The following NKAIN2 variants were observed in gnomAD, a reference collection of about 807,000 sequenced individuals.
NKAIN2 encodes sodium/potassium transporting ATPase interacting 2.
A neutral mutation model predicts 32.6 loss-of-function variants in NKAIN2; 14 were observed. The observed-to-expected ratio is 0.43, with a 90% CI of 0.28 to 0.67. The LOEUF is 0.67. Ranked by LOEUF, NKAIN2 falls within the 30% of genes least tolerant of loss-of-function variation. The pLI is 0.17. For synonymous variants in NKAIN2, 80 were observed against 87.2 expected (o/e 0.92, Z 0.46); for missense variants, 198 against 258.3 (o/e 0.77, Z 1.60).
chr6:124,300,029 C>A lies in NKAIN2; in HGVS notation c.192+16887C>A, dbSNP rs180940901. Among the ~76,000 whole-genome samples the A allele has an allele frequency of 4.4e-4, 67 of 152,226 alleles. No individual in the cohort carries two copies. In the East Asian group the frequency reaches 0.011, roughly 26 times the overall value. On this transcript the variant is annotated intron_variant, in intron 2 of 6. Coordinates refer to ENST00000368417, the MANE Select transcript of NKAIN2 (RefSeq NM_001040214.3). ...GGCAGAGTTGGGTGACCCAGCATCACCTGGAAATGTCACCAACAAATGTTG... is the reference window on the plus strand; with the variant it reads ...GGCAGAGTTGGGTGACCCAGCATCAACTGGAAATGTCACCAACAAATGTTG...
At chr6:124,703,330 G>C (rs1774895231) in intron 4 of NKAIN2, among the ~76,000 whole-genome samples, 1 of 151,880 alleles carries the variant, frequency 6.6e-6, no homozygotes, top group Admixed American at 6.6e-5. Flanking sequence ...CCAGACCTTA[G>C]AGAATCAACA....
chr6:124,102,724 A>AT (rs1454776205), intron 1 of NKAIN2, among the ~76,000 whole-genome samples: 5 of 152,078 alleles, frequency 3.3e-5, no homozygotes, highest in African/African-American at 9.7e-5. Flanking sequence ...CATCACATTG[A>AT]TTTTTTCCTT....
intron 1 of NKAIN2, among the ~76,000 whole-genome samples, chr6:124,159,260 A>G (rs1449400045): frequency 6.6e-6 from 1 of 152,214 alleles, no homozygotes; most frequent in Non-Finnish European, 1.5e-5. Context: ...CAGTATATGC[A>G]AACACTGATG....
At chr6:124,363,335 T>G (rs557260763) in intron 3 of NKAIN2, among the ~76,000 whole-genome samples, 1 of 152,290 alleles carries the variant, frequency 6.6e-6, no homozygotes, top group Admixed American at 6.5e-5. Flanking sequence ...TGAGCTAACT[T>G]TGTAAACATG....
At chr6:124,582,265 A>T (rs1042952149) in intron 3 of NKAIN2, among the ~76,000 whole-genome samples, 2 of 152,180 alleles carry the variant, frequency 1.3e-5, no homozygotes, top group African/African-American at 2.4e-5. Flanking sequence ...GTAGCTTCTA[A>T]TGATCCTTTG....
intron 1 of NKAIN2, among the ~76,000 whole-genome samples, chr6:123,831,027 G>A (rs779188612): frequency 1.4e-4 from 21 of 152,114 alleles, no homozygotes; most frequent in Non-Finnish European, 1.9e-4. Flanking sequence ...GTTACTTTAT[G>A]GAACAATGCA....
At chr6:124,154,674 A>T (rs183691420) in intron 1 of NKAIN2, among the ~76,000 whole-genome samples, 1 of 152,112 alleles carries the variant, frequency 6.6e-6, no homozygotes, top group Non-Finnish European at 1.5e-5. Context: ...AGTGAGTATT[A>T]ATTACCACTG....
chr6:124,497,920 G>A (rs1198003674), intron 3 of NKAIN2, among the ~76,000 whole-genome samples: 2 of 151,512 alleles, frequency 1.3e-5, no homozygotes, highest in Non-Finnish European at 2.9e-5. Flanking sequence ...ATTCTGTAGG[G>A]GCTTTGATTT....
intron 1 of NKAIN2, among the ~76,000 whole-genome samples, chr6:123,995,883 T>TCA (rs1450575002): frequency 6.6e-6 from 1 of 152,204 alleles, no homozygotes; most frequent in Non-Finnish European, 1.5e-5. Flanking sequence ...ATTATTACTG[T>TCA]CATTGTTATT....
chr6:124,152,655 T>G (rs1432763969), intron 1 of NKAIN2, among the ~76,000 whole-genome samples: 1 of 151,962 alleles, frequency 6.6e-6, no homozygotes, highest in Non-Finnish European at 1.5e-5. Flanking sequence ...CCAATCCAAC[T>G]GCTAGGTATA....
intron 1 of NKAIN2, among the ~76,000 whole-genome samples, chr6:124,060,729 C>G (rs908797875): frequency 3.9e-5 from 6 of 152,068 alleles, no homozygotes; most frequent in African/African-American, 1.2e-4. Context: ...AGACTAGGTA[C>G]AACTTAAATT....
intron 2 of NKAIN2, among the ~76,000 whole-genome samples, chr6:124,351,447 G>A (rs1798723051): frequency 6.7e-6 from 1 of 149,546 alleles, no homozygotes; most frequent in Non-Finnish European, 1.5e-5. Context: ...TGAGGCTGCA[G>A]TGATCCAAGG....
chr6:124,068,040 C>A (rs1326429230), intron 1 of NKAIN2, among the ~76,000 whole-genome samples: 3 of 152,102 alleles, frequency 2.0e-5, no homozygotes, highest in Non-Finnish European at 2.9e-5. Flanking sequence ...CAGTACTACT[C>A]TGTTTATTTA....
intron 3 of NKAIN2, among the ~76,000 whole-genome samples, chr6:124,465,881 T>C (rs568252564): frequency 8.5e-4 from 130 of 152,272 alleles, no homozygotes; most frequent in Middle Eastern, 3.4e-3. Context: ...TTAGCCTGTG[T>C]AACTTCATAA....
intron 2 of NKAIN2, among the ~76,000 whole-genome samples, chr6:124,336,125 T>G (rs1322099142): frequency 6.6e-6 from 1 of 152,128 alleles, no homozygotes; most frequent in African/African-American, 2.4e-5. Context: ...AAAAGCAAAA[T>G]GAAACAGAAA....
intron 3 of NKAIN2, among the ~76,000 whole-genome samples, chr6:124,579,394 TTAAC>T (rs1259737335): frequency 6.6e-6 from 1 of 152,122 alleles, no homozygotes; most frequent in African/African-American, 2.4e-5. Flanking sequence ...TCTAACAAAT[TTAAC>T]AAAGACATTG....
chr6:124,447,928 A>C (rs923649603), intron 3 of NKAIN2, among the ~76,000 whole-genome samples: 9 of 152,056 alleles, frequency 5.9e-5, no homozygotes, highest in Non-Finnish European at 1.5e-5. Flanking sequence ...TGCCCTTTGC[A>C]CTAGAGTAAA....
At chr6:124,043,570 A>T (rs1781974767) in intron 1 of NKAIN2, among the ~76,000 whole-genome samples, 1 of 152,080 alleles carries the variant, frequency 6.6e-6, no homozygotes, top group Admixed American at 6.6e-5. Context: ...ATTTTGGCAG[A>T]CAATATTCAT....
chr6:124,025,780 A>G (rs1260246307), intron 1 of NKAIN2, among the ~76,000 whole-genome samples: 5 of 152,228 alleles, frequency 3.3e-5, no homozygotes, highest in Non-Finnish European at 7.3e-5. Context: ...AATAAAAAAC[A>G]TTAAGAAAAC....
Sources: allele counts gnomAD v4.1 joint callset (sites outside exome capture counted in the v4.1 genomes callset), GRCh38; gene constraint gnomAD v4.1.1; transcripts MANE v1.5; gene names NCBI Gene and HGNC (gene_info 2026-07-23, HGNC 2026-07-21).